TNS3: variants seen among roughly 807,000 people sequenced by gnomAD.
The protein encoded by TNS3 is tensin 3, also known as tensin-3.
Under a neutral mutation model 140.9 loss-of-function variants are expected in TNS3, and 45 were observed. That is an observed-to-expected ratio of 0.32 (90% CI 0.25 to 0.41). TNS3 has a LOEUF of 0.41. Ranked by LOEUF, TNS3 falls within the 10% of genes least tolerant of loss-of-function variation. The pLI is 1.00. For synonymous variants in TNS3, 815 were observed against 788.4 expected (o/e 1.03, Z -0.56); for missense variants, 1,716 against 1,906.7 (o/e 0.90, Z 1.86).
At chr7:47,322,645 T>C (rs1787812490) in intron 20 of TNS3, among the ~76,000 whole-genome samples, 5 of 152,154 alleles carry the variant, frequency 3.3e-5, no homozygotes, top group Non-Finnish European at 4.4e-5. Context: ...AGAAAATGGT[T>C]TGTGAAAGCC....
At chr7:47,486,178 G>A (rs1385944911) in intron 3 of TNS3, among the ~76,000 whole-genome samples, 1 of 152,036 alleles carries the variant, frequency 6.6e-6, no homozygotes, top group Non-Finnish European at 1.5e-5. Context: ...GTTTGAGAGT[G>A]TTGTGAGTTT....
chr7:47,470,120 A>G (rs1342082407), intron 4 of TNS3, among the ~76,000 whole-genome samples: 1 of 152,158 alleles, frequency 6.6e-6, no homozygotes, highest in East Asian at 1.9e-4. Context: ...AGGAACAGAA[A>G]ACAAAACACC....
intron 17 of TNS3, among the ~76,000 whole-genome samples, chr7:47,362,967 A>T (rs371852547): frequency 0.021 from 4 of 194 alleles, no homozygotes; most frequent in Non-Finnish European, 0.05. Flanking sequence ...CCATCATCAG[A>T]GTCATTTACC....
chr7:47,359,766 C>T (rs564173349), intron 17 of TNS3, among the ~76,000 whole-genome samples: 3 of 152,324 alleles, frequency 2.0e-5, no homozygotes, highest in African/African-American at 7.2e-5. Flanking sequence ...TTCGCTATGA[C>T]TTTCATCTCA....
At chr7:47,485,935 C>T (rs1164301219) in intron 3 of TNS3, among the ~76,000 whole-genome samples, 2 of 151,128 alleles carry the variant, frequency 1.3e-5, no homozygotes, top group African/African-American at 2.4e-5. Context: ...TGTGGGTGAG[C>T]GTATGTGTGT....
intron 1 of TNS3, among the ~76,000 whole-genome samples, chr7:47,568,103 T>G (rs1314359776): frequency 2.0e-5 from 3 of 152,144 alleles, no homozygotes; most frequent in African/African-American, 7.2e-5. Flanking sequence ...TGCCCTGCCA[T>G]CAAGCTCTTG....
At chr7:47,348,990 A>G (rs1205865983) in intron 17 of TNS3, among the ~76,000 whole-genome samples, 2 of 152,206 alleles carry the variant, frequency 1.3e-5, no homozygotes, top group Non-Finnish European at 2.9e-5. Context: ...TCTCCTTTAG[A>G]GCAGCTAGGG....
chr7:47,506,691 A>C (rs1205720136), intron 3 of TNS3, among the ~76,000 whole-genome samples: 1 of 152,174 alleles, frequency 6.6e-6, no homozygotes, highest in Non-Finnish European at 1.5e-5. Flanking sequence ...ATCTGAAATC[A>C]AATTCTTAAG....
chr7:47,305,615 G>T (rs1474746022), intron 20 of TNS3, among the ~76,000 whole-genome samples: 1 of 152,240 alleles, frequency 6.6e-6, no homozygotes, highest in Non-Finnish European at 1.5e-5. Context: ...TGCTTCAAAG[G>T]CCACACCGTG....
intron 16 of TNS3, among the ~76,000 whole-genome samples, chr7:47,387,868 G>A (rs568207006): frequency 4.6e-5 from 7 of 152,328 alleles, no homozygotes; most frequent in Non-Finnish European, 8.8e-5. Context: ...AAGAGACTCT[G>A]CTTTTCTTCA....
chr7:47,438,181 CCT>C (rs1243199826), intron 6 of TNS3, among the ~76,000 whole-genome samples: 6 of 152,118 alleles, frequency 3.9e-5, no homozygotes, highest in African/African-American at 1.4e-4. Flanking sequence ...CCCAGCAAGC[CCT>C]GTTTATGACA....
chr7:47,329,216 AACAG>A (rs1788197947), intron 20 of TNS3, among the ~76,000 whole-genome samples: 3 of 152,182 alleles, frequency 2.0e-5, no homozygotes, highest in Admixed American at 2.0e-4. Context: ...GGAAGCACAG[AACAG>A]ACACTCACTC....
chr7:47,357,567 G>T (rs1001140093), intron 17 of TNS3, among the ~76,000 whole-genome samples: 1 of 152,152 alleles, frequency 6.6e-6, no homozygotes, highest in South Asian at 2.1e-4. Context: ...TTAAAGAGCC[G>T]CACAACTTGC....
intron 15 of TNS3, among the ~76,000 whole-genome samples, chr7:47,399,840 T>G (rs1012914508): frequency 5.3e-5 from 8 of 152,036 alleles, no homozygotes; most frequent in Admixed American, 2.6e-4. Flanking sequence ...CGAATTAAAC[T>G]AAAAATCTTC....
intron 10 of TNS3, among the ~76,000 whole-genome samples, chr7:47,418,149 A>C (rs1794183943): frequency 6.6e-6 from 1 of 152,214 alleles, no homozygotes; most frequent in Non-Finnish European, 1.5e-5. Context: ...ATTAATTTTA[A>C]AAATTAGCTG....
At chr7:47,464,395 G>A (rs981747834) in intron 4 of TNS3, among the ~76,000 whole-genome samples, 1 of 152,098 alleles carries the variant, frequency 6.6e-6, no homozygotes. Context: ...AATCATAAAC[G>A]TCAGGTCACC....
intron 1 of TNS3, 82 bp from the exon 2 acceptor site, chr7:47,529,229 A>C: frequency 1.3e-6 from 1 of 763,858 alleles, no homozygotes; most frequent in Admixed American, 3.6e-5. Context: ...GAAATAATAA[A>C]TCTAGTGGAA....
chr7:47,303,308 G>A lies in TNS3; in HGVS notation c.3099C>T (p.Pro1033=), dbSNP rs571040304. The change falls in exon 22 of 31, where the codon CCC becomes CCT. Residue 1033 remains proline (P), a synonymous_variant. Transcript: ENST00000311160. The stretch of plus-strand genomic sequence containing the variant: ...CCAGCAAGGCCCCCAGGTCCTCCTC[G>A]GGCGGAAGGCCACTTCCCACTGGGG... ...GTAPVGSGLP[P]EEDLGALLAN... 9.9e-6 allele frequency: 16 copies of A among 1,613,286 alleles called. No homozygotes were observed. In the South Asian group the frequency reaches 1.3e-4, roughly 13 times the overall value.
chr7:47,287,900 A>G (rs1476199899), intron 27 of TNS3, among the ~76,000 whole-genome samples: 2 of 152,228 alleles, frequency 1.3e-5, no homozygotes, highest in African/African-American at 4.8e-5. Flanking sequence ...CCCTTAAAAA[A>G]CATTTGGAGT....
Sources: allele counts gnomAD v4.1 joint callset (sites outside exome capture counted in the v4.1 genomes callset), GRCh38; gene constraint gnomAD v4.1.1; transcripts MANE v1.5; gene names NCBI Gene and HGNC (gene_info 2026-07-23, HGNC 2026-07-21).